The following BCAT2 variants were observed in gnomAD, a reference collection of about 807,000 sequenced individuals.
The protein encoded by BCAT2 is branched-chain-amino-acid aminotransferase, mitochondrial.
Under a neutral mutation model 52.9 loss-of-function variants are expected in BCAT2, and 44 were observed. That is an observed-to-expected ratio of 0.83 (90% CI 0.65 to 1.07). The LOEUF (loss-of-function observed/expected upper bound fraction) is 1.07. BCAT2 is among the 50% of genes least tolerant of loss of function. BCAT2 has a pLI of 0.00. For missense variants in BCAT2, 478 were observed against 521.8 expected, an observed-to-expected ratio of 0.92 and a Z score of 0.82; for synonymous variants, 215 against 217.1, an observed-to-expected ratio of 0.99 and a Z score of 0.08.
intron 3 of BCAT2, among the ~76,000 whole-genome samples, chr19:48,800,720 G>A (rs2034640062): frequency 6.6e-6 from 1 of 152,110 alleles, no homozygotes; most frequent in South Asian, 2.1e-4. Flanking sequence ...GTGGTGGGAG[G>A]ATCACTTGAG....
intron 3 of BCAT2, among the ~76,000 whole-genome samples, chr19:48,800,611 G>A (rs2034637850): frequency 6.6e-6 from 1 of 152,110 alleles, no homozygotes; most frequent in African/African-American, 2.4e-5. Flanking sequence ...AGGAGTTCGT[G>A]ACCAGCCCAG....
At position 48,796,519 on chromosome 19, in the gene BCAT2, G is replaced by C; in HGVS notation, c.1066-17C>G. 1 of 1,611,830 alleles carries C rather than the reference G, an allele frequency of 6.2e-7. No homozygotes were observed. The highest frequency in any genetic ancestry group is 1.1e-5 in the South Asian group (1 of 90,894). On this transcript the variant is annotated splice_polypyrimidine_tract_variant and intron_variant, in intron 9 of 10. Transcript: ENST00000316273. ...GTGGAGGTTCTGGGACAGAAGGTGC[G>C]GTGAGGACCAAGCCCCTCCCCTCCT...
intron 3 of BCAT2, 48 bp downstream of exon 3, chr19:48,806,469 G>C (rs368226719): frequency 1.2e-6 from 2 of 1,601,438 alleles, no homozygotes; most frequent in Non-Finnish European, 1.7e-6. Context: ...ACAGCAAGGA[G>C]GAGGAGATGC....
chr19:48,799,869 T>G lies in BCAT2; in HGVS notation c.532-31A>C. 6.4e-7 allele frequency: 1 copy of G among 1,574,746 alleles called. No homozygotes were observed. Among genetic ancestry groups the G allele is most frequent in the Non-Finnish European group, 8.6e-7 (1 of 1,161,036 alleles). On this transcript the variant is annotated intron_variant, in intron 5 of 10. Transcript: ENST00000316273. This position sits in a 1 kb window ranked among gnomAD's most constrained non-coding sequence, Gnocchi z 5.5. ...ACGGGCAAAGGGACAGCGTCAGGAG[T>G]CCAGGCCCCCAGTCCCTTCCCGTCC...
intron 1 of BCAT2, 172 bp downstream of exon 1, chr19:48,810,812 A>G: frequency 7.2e-7 from 1 of 1,396,894 alleles, no homozygotes; most frequent in African/African-American, 1.7e-5. Flanking sequence ...CCCTCACCCC[A>G]TTAAAGCCTC....
rs554110733 is a variant in BCAT2 at position 48,797,445 on chromosome 19, A to G, written c.696-112T>C. 11 of 1,332,762 alleles carry G rather than the reference A, an allele frequency of 8.3e-6. No homozygotes were observed. In the East Asian group the frequency reaches 2.7e-4, roughly 33 times the overall value. 82.6% of individuals were successfully genotyped at this position (1,332,762 alleles called of 1,614,324 possible). A position where few individuals can be genotyped will look rare whatever the true frequency, so the allele number is the denominator to read the frequency against. ...CCGTCTCCCTGCTCACAGCTCTCAC[A>G]GGGCTCCCCAGTTCCCCTGAGATGG... On this transcript the variant is annotated intron_variant, in intron 6 of 10. Coordinates refer to ENST00000316273, the MANE Select transcript of BCAT2 (RefSeq NM_001190.4).
chr19:48,809,124 T>C (rs975987431), intron 1 of BCAT2, among the ~76,000 whole-genome samples: 3 of 124,538 alleles, frequency 2.4e-5, no homozygotes, highest in Non-Finnish European at 3.2e-5. Context: ...ATGCCTGTAA[T>C]CTGAGGCAGG....
chr19:48,804,465 A>C (rs930555688), intron 3 of BCAT2, among the ~76,000 whole-genome samples: 19 of 152,078 alleles, frequency 1.2e-4, no homozygotes, highest in African/African-American at 4.1e-4. Context: ...AATCACTTGA[A>C]CCCGGGAGGC....
At chr19:48,809,354 T>C (rs2034869995) in intron 1 of BCAT2, among the ~76,000 whole-genome samples, 1 of 152,040 alleles carries the variant, frequency 6.6e-6, no homozygotes, top group Admixed American at 6.6e-5. Flanking sequence ...TTATGTCCCA[T>C]ACAGCCCAGG....
In BCAT2 at chr19:48,795,458, T is replaced by C; in HGVS notation, c.1147A>G (p.Ile383Val). 6.2e-7 allele frequency: 1 copy of C among 1,613,980 alleles called. No homozygotes were observed. The highest frequency in any genetic ancestry group is 8.5e-7 in the Non-Finnish European group (1 of 1,179,960). Residue 383 changes from isoleucine to valine, a missense_variant, in exon 11 of 11, where the codon ATC becomes GTC. Transcript: ENST00000316273. ...QKELKEIQYG[I>V]RAHEWMFPV ...GGGAACATCCACTCGTGGGCTCTGA[T>C]TCCGTACTGCGGAACAACGGAGGCA...
Position 48,803,236 on chromosome 19 carries a change from A to G in BCAT2, c.301-2939T>C, listed in dbSNP as rs2034694436. Among the ~76,000 whole-genome samples the G allele has an allele frequency of 2.6e-5, 4 of 151,742 alleles. No individual in the cohort carries two copies. The South Asian group carries it at 8.3e-4, about 32-fold the overall frequency. On this transcript the variant is annotated intron_variant, in intron 3 of 10. Coordinates refer to ENST00000316273, the MANE Select transcript of BCAT2 (RefSeq NM_001190.4). ...AAAACCCAGGTAAAAGAGCCCGGATACACCGGATATAGTGGCTCATGCCTG... is the reference window on the plus strand; with the variant it reads ...AAAACCCAGGTAAAAGAGCCCGGATGCACCGGATATAGTGGCTCATGCCTG...
chr19:48,802,343 A>G (rs2034674380), intron 3 of BCAT2, among the ~76,000 whole-genome samples: 1 of 152,010 alleles, frequency 6.6e-6, no homozygotes, highest in African/African-American at 2.4e-5. Flanking sequence ...CAAGATTACA[A>G]GCATACATAT....
chr19:48,797,063 C>G, intron 7 of BCAT2, 41 bp from the exon 8 acceptor site: 1 of 1,612,848 alleles, frequency 6.2e-7, no homozygotes, highest in African/African-American at 1.3e-5. Context: ...ACCTCTCACC[C>G]CCTAGCACCG....
chr19:48,799,922 C>T lies in BCAT2; in HGVS notation c.531+59G>A. The T allele has an allele frequency of 6.2e-7, 1 of 1,606,458 alleles. No individual in the cohort carries two copies. The highest frequency in any genetic ancestry group is 1.1e-5 in the South Asian group (1 of 90,300). On this transcript the variant is annotated intron_variant, in intron 5 of 10. Transcript: ENST00000316273. The surrounding 1 kb of genome is among the most constrained non-coding windows in gnomAD (Gnocchi z 5.5). Reference sequence around the variant, plus strand: ...AGGCCCAGGCCTCCAGGACCCCACCCCTGCCCTGCAGAATCCAACCCCCGC... The same window carrying T: ...AGGCCCAGGCCTCCAGGACCCCACCTCTGCCCTGCAGAATCCAACCCCCGC...
intron 3 of BCAT2, among the ~76,000 whole-genome samples, chr19:48,803,691 A>G (rs1212452221): frequency 6.6e-6 from 1 of 152,156 alleles, no homozygotes; most frequent in Admixed American, 6.6e-5. Context: ...CTATTATTTA[A>G]AGATAATAAA....
intron 3 of BCAT2, among the ~76,000 whole-genome samples, chr19:48,805,250 G>A (rs539768299): frequency 6.6e-5 from 10 of 152,208 alleles, no homozygotes; most frequent in Middle Eastern, 3.4e-3. Flanking sequence ...AAACTTCACA[G>A]TATCTCAGGC....
intron 1 of BCAT2, among the ~76,000 whole-genome samples, chr19:48,809,137 G>T (rs2034864094): frequency 6.7e-6 from 1 of 149,260 alleles, no homozygotes; most frequent in South Asian, 2.1e-4. Flanking sequence ...GAGGCAGGTG[G>T]ATCGCTTGAG....
At chr19:48,800,327 G>A (rs772063571) in intron 3 of BCAT2, 30 bp from the exon 4 acceptor site, 2 of 1,594,662 alleles carry the variant, frequency 1.3e-6, no homozygotes, top group South Asian at 2.2e-5. Context: ...GGGAGGCTCA[G>A]AGACTTCTCC....
chr19:48,806,668 C>G lies in BCAT2; in HGVS notation c.149G>C (p.Gly50Ala). 1 of 1,614,044 alleles carries G rather than the reference C, an allele frequency of 6.2e-7. No individual in the cohort carries two copies. The change falls in exon 3 of 11, where the codon GGC becomes GCC. Residue 50 changes from glycine to alanine, a missense_variant. By Grantham distance (60) the Gly-to-Ala change is moderately conservative. Coordinates refer to ENST00000316273, the MANE Select transcript of BCAT2 (RefSeq NM_001190.4). ...CCCAAACACCAGGGGCTCGCCGGGG[C>G]CAGGCTTCTTATGAGGCTTCTGTGT... ...EMTQKPHKKP[G>A]PGEPLVFGKT...
Sources: gnomAD v4.1 joint callset for allele counts (sites outside exome capture counted in the v4.1 genomes callset) on GRCh38, gnomAD v4.1.1 for gene constraint, Gnocchi (gnomAD v3.1) non-coding constraint, MANE v1.5 for transcripts, NCBI Gene and HGNC (gene_info 2026-07-23, HGNC 2026-07-21) for gene names.